Variants in SAMSN1 observed in about 807,000 individuals in gnomAD.
SAMSN1 encodes SAM domain, SH3 domain and nuclear localization signals 1.
SAMSN1 carries 31 observed loss-of-function variants against 42.0 expected under a neutral mutation model. The ratio of observed to expected loss-of-function variants is 0.74; its 90% CI spans 0.55 to 1.00. The LOEUF is 1.00. SAMSN1 is among the 50% of genes least tolerant of loss of function. The probability of loss-of-function intolerance (pLI) is 0.00; values close to 1 mark genes in which losing one functional copy is unlikely to be tolerated. For missense variants in SAMSN1, 464 were observed against 439.4 expected, an observed-to-expected ratio of 1.06 and a Z score of -0.50; for synonymous variants, 178 against 151.9, an observed-to-expected ratio of 1.17 and a Z score of -1.26.
chr21:14,621,935 G>T (rs1983022008), intron 2 of SAMSN1, among the ~76,000 whole-genome samples: 1 of 152,238 alleles, frequency 6.6e-6, no homozygotes, highest in Non-Finnish European at 1.5e-5. Flanking sequence ...GCTTCCAGAG[G>T]AAAGATCAGG....
At chr21:14,645,120 A>T (rs464687) in intron 1 of SAMSN1, among the ~76,000 whole-genome samples, 116,802 of 152,176 alleles carry the variant, frequency 0.77, 45,353 homozygotes, top group Middle Eastern at 0.89. Context: ...GAGGCATGAC[A>T]GGATTTGCCA....
chr21:14,555,490 T>C (rs1262730818), intron 2 of SAMSN1, among the ~76,000 whole-genome samples: 1 of 152,202 alleles, frequency 6.6e-6, no homozygotes, highest in Non-Finnish European at 1.5e-5. Context: ...CAGGTATTGA[T>C]TCCTGTCAAT....
At chr21:14,656,631 AAGAT>A (rs1300923158) in intron 1 of SAMSN1, among the ~76,000 whole-genome samples, 1 of 151,798 alleles carries the variant, frequency 6.6e-6, no homozygotes, top group Non-Finnish European at 1.5e-5. Flanking sequence ...TCCCTTATGA[AAGAT>A]AGACCCCATT....
At chr21:14,581,258 C>A (rs750429871) in intron 2 of SAMSN1, among the ~76,000 whole-genome samples, 3 of 149,560 alleles carry the variant, frequency 2.0e-5, no homozygotes, top group Non-Finnish European at 4.4e-5. Context: ...TTGGCTCTAC[C>A]TCCTGTTAGC....
chr21:14,631,328 C>T (rs1983323308), intron 2 of SAMSN1, among the ~76,000 whole-genome samples: 1 of 152,122 alleles, frequency 6.6e-6, no homozygotes, highest in South Asian at 2.1e-4. Context: ...TAAGAGGTAA[C>T]AAATAGTTTT....
chr21:14,592,967 CAGAT>C (rs1982134672), intron 7 of SAMSN1, among the ~76,000 whole-genome samples: 3 of 152,044 alleles, frequency 2.0e-5, no homozygotes, highest in African/African-American at 7.2e-5. Flanking sequence ...ATTAAAAACT[CAGAT>C]AGCATGAGAA....
intron 1 of SAMSN1, among the ~76,000 whole-genome samples, chr21:14,536,189 G>T (rs34665130): frequency 6.6e-6 from 1 of 152,032 alleles, no homozygotes; most frequent in African/African-American, 2.4e-5. Context: ...ATTTGGAAAC[G>T]GATATGTAAA....
intron 2 of SAMSN1, among the ~76,000 whole-genome samples, chr21:14,622,967 A>C (rs572919980): frequency 3.9e-5 from 6 of 152,354 alleles, no homozygotes; most frequent in Admixed American, 3.9e-4. Context: ...GCCAATATTC[A>C]ACATTCTTAA....
At chr21:14,592,093 T>G (rs916354818) in intron 7 of SAMSN1, 1 of 152,054 alleles carries the variant, frequency 6.6e-6, no homozygotes, top group Non-Finnish European at 1.5e-5. Flanking sequence ...GCATTGCAAA[T>G]GGGGGTTGTG....
intron 7 of SAMSN1, among the ~76,000 whole-genome samples, chr21:14,491,295 A>T (rs1486176760): frequency 6.6e-6 from 1 of 151,688 alleles, no homozygotes; most frequent in Non-Finnish European, 1.5e-5. Flanking sequence ...AGAGAGAGAA[A>T]TAGGGTCTGG....
chr21:14,514,133 G>T (rs983305865), intron 3 of SAMSN1, among the ~76,000 whole-genome samples: 3 of 152,144 alleles, frequency 2.0e-5, no homozygotes, highest in Non-Finnish European at 2.9e-5. Flanking sequence ...GAAAACTTTA[G>T]TATAAGAATC....
intron 1 of SAMSN1, among the ~76,000 whole-genome samples, chr21:14,526,251 A>T (rs925315509): frequency 7.2e-5 from 11 of 152,260 alleles, no homozygotes; most frequent in Admixed American, 3.3e-4. Context: ...AAGTACAGAA[A>T]GGGAACAAAA....
chr21:14,606,115 C>G (rs1217032411), intron 5 of SAMSN1, among the ~76,000 whole-genome samples: 1 of 152,156 alleles, frequency 6.6e-6, no homozygotes, highest in Non-Finnish European at 1.5e-5. Flanking sequence ...GCTGGGATTA[C>G]AGGCGTGAAC....
At chr21:14,609,884 G>A (rs1016044210) in intron 4 of SAMSN1, among the ~76,000 whole-genome samples, 3 of 152,128 alleles carry the variant, frequency 2.0e-5, no homozygotes, top group Admixed American at 2.0e-4. Flanking sequence ...AGATTTCATA[G>A]ACACTTATCA....
chr21:14,507,175 C>T (rs1270790537), intron 5 of SAMSN1, among the ~76,000 whole-genome samples: 1 of 152,130 alleles, frequency 6.6e-6, no homozygotes, highest in Non-Finnish European at 1.5e-5. Flanking sequence ...CAACACAGTA[C>T]TGGAAGTCCT....
intron 1 of SAMSN1, 21 bp downstream of exon 1, chr21:14,546,184 C>T: frequency 6.3e-6 from 10 of 1,590,126 alleles, no homozygotes; most frequent in Non-Finnish European, 8.6e-6. Flanking sequence ...TTTTATTTAA[C>T]TATGTATGAA....
intron 2 of SAMSN1, among the ~76,000 whole-genome samples, chr21:14,622,504 C>A (rs528178567): frequency 5.9e-5 from 9 of 152,174 alleles, no homozygotes; most frequent in Admixed American, 5.9e-4. Flanking sequence ...ATTCAATCAA[C>A]AGGAAGAAAG....
At chr21:14,513,915 C>T (rs1434859708) in intron 3 of SAMSN1, among the ~76,000 whole-genome samples, 1 of 152,118 alleles carries the variant, frequency 6.6e-6, no homozygotes, top group African/African-American at 2.4e-5. Context: ...GGAGCCACAT[C>T]AAGAAAAGCT....
chr21:14,571,405 C>A (rs924401579), intron 2 of SAMSN1, among the ~76,000 whole-genome samples: 1 of 152,124 alleles, frequency 6.6e-6, no homozygotes, highest in African/African-American at 2.4e-5. Context: ...AGCCATATTT[C>A]TAATCCAATT....
Sources: allele counts gnomAD v4.1 joint callset (sites outside exome capture counted in the v4.1 genomes callset), GRCh38; gene constraint gnomAD v4.1.1; transcripts MANE v1.5; gene names NCBI Gene and HGNC (gene_info 2026-07-23, HGNC 2026-07-21).